INO80: variants seen among roughly 807,000 people sequenced by gnomAD.
INO80 encodes INO80 complex ATPase subunit, also known as chromatin-remodeling ATPase INO80.
INO80 carries 20 observed loss-of-function variants against 203.4 expected under a neutral mutation model. The ratio of observed to expected loss-of-function variants is 0.10; its 90% CI spans 0.07 to 0.14. INO80 has a LOEUF of 0.14. Among genes scored for constraint, INO80 ranks in the 10% least tolerant of loss-of-function variants. The probability of loss-of-function intolerance (pLI) is 1.00; values close to 1 mark genes in which losing one functional copy is unlikely to be tolerated. For missense variants in INO80, 1,419 were observed against 1,914.4 expected, an observed-to-expected ratio of 0.74 and a Z score of 4.83; for synonymous variants, 726 against 685.2, an observed-to-expected ratio of 1.06 and a Z score of -0.93.
chr15:41,065,967 A>G (rs1596305489), intron 14 of INO80, among the ~76,000 whole-genome samples: 1 of 150,200 alleles, frequency 6.7e-6, no homozygotes, highest in Non-Finnish European at 1.5e-5. Context: ...TTGTGAATGC[A>G]CCTAATGCTA....
intron 19 of INO80, among the ~76,000 whole-genome samples, chr15:41,053,388 A>T (rs1390444768): frequency 6.6e-6 from 1 of 152,188 alleles, no homozygotes; most frequent in Non-Finnish European, 1.5e-5. Flanking sequence ...TACAGGCATG[A>T]GCCACCGTGC....
chr15:41,091,645 T>C (rs1308516522), intron 5 of INO80, among the ~76,000 whole-genome samples: 1 of 147,162 alleles, frequency 6.8e-6, no homozygotes. Context: ...TAAAATGATG[T>C]ATCTCTTTTT....
intron 4 of INO80, 69 bp from the exon 5 acceptor site, chr15:41,092,251 T>C: frequency 7.5e-7 from 1 of 1,331,252 alleles, no homozygotes; most frequent in East Asian, 2.4e-5. Context: ...CAAGCATTTT[T>C]TCCTAGATCC....
intron 31 of INO80, among the ~76,000 whole-genome samples, chr15:40,985,904 T>C (rs1447167481): frequency 6.6e-6 from 1 of 152,100 alleles, no homozygotes; most frequent in African/African-American, 2.4e-5. Flanking sequence ...CAAAACTCTG[T>C]CTAAAAAAAA....
At chr15:41,106,107 A>G (rs2045876586) in intron 1 of INO80, among the ~76,000 whole-genome samples, 1 of 151,976 alleles carries the variant, frequency 6.6e-6, no homozygotes, top group African/African-American at 2.4e-5. Flanking sequence ...AAAATAGAAA[A>G]CTTTGGCCAA....
intron 1 of INO80, among the ~76,000 whole-genome samples, chr15:41,113,228 T>A (rs1259521526): frequency 6.6e-6 from 1 of 151,664 alleles, no homozygotes; most frequent in Non-Finnish European, 1.5e-5. Context: ...TTAATGTGAA[T>A]TTGTATGTTG....
At chr15:41,080,908 T>C (rs1360339150) in intron 8 of INO80, 112 bp downstream of exon 8, 1 of 730,592 alleles carries the variant, frequency 1.4e-6, no homozygotes, top group Non-Finnish European at 2.5e-6. Flanking sequence ...TTACGAACTA[T>C]TAGATTCATG....
intron 10 of INO80, 123 bp downstream of exon 10, chr15:41,074,247 A>C: frequency 1.7e-6 from 1 of 578,150 alleles, no homozygotes; most frequent in South Asian, 3.4e-5. Context: ...CCAGTACAAT[A>C]AATCTCTCTT....
At chr15:41,071,314 T>A (rs1040449576) in intron 12 of INO80, among the ~76,000 whole-genome samples, 1 of 152,214 alleles carries the variant, frequency 6.6e-6, no homozygotes, top group African/African-American at 2.4e-5. Flanking sequence ...GTTACATATG[T>A]ATACATGTGC....
chr15:41,028,252 C>T (rs1442276903), intron 24 of INO80, among the ~76,000 whole-genome samples: 2 of 152,094 alleles, frequency 1.3e-5, no homozygotes, highest in Non-Finnish European at 2.9e-5. Context: ...TCTCATGCCT[C>T]ATCCTCCCGA....
intron 1 of INO80, among the ~76,000 whole-genome samples, chr15:41,104,991 G>A (rs2045862700): frequency 6.6e-6 from 1 of 152,160 alleles, no homozygotes; most frequent in African/African-American, 2.4e-5. Flanking sequence ...GTAGAACTGT[G>A]CTCCTCAAAG....
At chr15:40,997,768 C>G (rs577722111) in intron 28 of INO80, 167 bp from the exon 29 acceptor site, 3 of 515,928 alleles carry the variant, frequency 5.8e-6, no homozygotes, top group Admixed American at 3.1e-5. Flanking sequence ...CAATGTTGCT[C>G]TGTTGTTACA....
chr15:41,064,945 G>A (rs750278911), intron 14 of INO80, among the ~76,000 whole-genome samples: 2 of 152,022 alleles, frequency 1.3e-5, no homozygotes, highest in Non-Finnish European at 1.5e-5. Context: ...GTTGCAGTGA[G>A]CCAAGATCAT....
chr15:41,022,004 G>A (rs1246878268), intron 25 of INO80, among the ~76,000 whole-genome samples: 2 of 152,230 alleles, frequency 1.3e-5, no homozygotes, highest in Admixed American at 6.5e-5. Context: ...TGGAGGCTGT[G>A]ATTATCTGTC....
chr15:40,991,045 A>G (rs1485943252), intron 29 of INO80, among the ~76,000 whole-genome samples: 1 of 152,184 alleles, frequency 6.6e-6, no homozygotes, highest in Non-Finnish European at 1.5e-5. Flanking sequence ...GGAGAGCCAT[A>G]TAATGAATTG....
intron 27 of INO80, among the ~76,000 whole-genome samples, chr15:41,006,136 G>A (rs964214906): frequency 6.6e-6 from 1 of 152,098 alleles, no homozygotes; most frequent in Non-Finnish European, 1.5e-5. Context: ...TACAGCCTAA[G>A]CTTCCTTCTC....
intron 27 of INO80, among the ~76,000 whole-genome samples, chr15:41,015,261 C>T (rs1467397760): frequency 6.6e-6 from 1 of 152,144 alleles, no homozygotes; most frequent in Non-Finnish European, 1.5e-5. Context: ...ACCCCAGGAC[C>T]TTTTAAATAT....
intron 24 of INO80, 133 bp downstream of exon 24, chr15:41,044,771 T>G (rs1339799630): frequency 1.0e-5 from 7 of 672,536 alleles, no homozygotes; most frequent in Non-Finnish European, 1.2e-5. Flanking sequence ...GAACTCAATA[T>G]GCTGCACCGC....
At position 41,070,542 on chromosome 15, in the gene INO80, A is replaced by G. The variant is rs1322280651; in HGVS notation, c.1611T>C (p.Ile537=). ...NWLANLYEQG[I]NGILADEMGL... ...CCATTTCATCAGCAAGAATGCCATT[A>G]ATACCCTGGGGAAAAAAAATACATG... is the stretch of plus-strand genomic sequence containing the variant. The change falls in exon 13 of 36, where the codon ATT becomes ATC. Residue 537 remains isoleucine, a synonymous_variant. Coordinates refer to ENST00000648947, the MANE Select transcript of INO80 (RefSeq NM_017553.3). The G allele has an allele frequency of 9.3e-6, 15 of 1,613,624 alleles. No homozygotes were observed. The highest frequency in any genetic ancestry group is 1.2e-5 in the Non-Finnish European group (14 of 1,179,540).
Sources: gnomAD v4.1 joint callset for allele counts (sites outside exome capture counted in the v4.1 genomes callset) on GRCh38, gnomAD v4.1.1 for gene constraint, MANE v1.5 for transcripts, NCBI Gene and HGNC (gene_info 2026-07-23, HGNC 2026-07-21) for gene names.